Variants in SYN3 observed in about 807,000 individuals in gnomAD.
The protein encoded by SYN3 is synapsin III.
Under a neutral mutation model 65.8 loss-of-function variants are expected in SYN3, and 35 were observed. The observed-to-expected ratio is 0.53, with a 90% confidence interval of 0.41 to 0.70. The LOEUF (loss-of-function observed/expected upper bound fraction) is 0.70, where lower values mean the gene tolerates loss of function less well. SYN3 is among the 30% of genes least tolerant of loss of function. The pLI, the probability that SYN3 is intolerant of heterozygous loss-of-function variation, is 0.00. For missense variants in SYN3, 680 were observed against 749.0 expected, an observed-to-expected ratio of 0.91 and a Z score of 1.08; for synonymous variants, 270 against 292.9, an observed-to-expected ratio of 0.92 and a Z score of 0.80.
intron 1 of SYN3, among the ~76,000 whole-genome samples, chr22:33,047,047 C>T (rs73393634): frequency 0.031 from 4,753 of 151,994 alleles, 179 homozygotes; most frequent in African/African-American, 0.09. Context: ...CCAAACATCA[C>T]GGCTCTACTG....
chr22:33,040,794 T>G (rs2053949711), intron 1 of SYN3, among the ~76,000 whole-genome samples: 1 of 152,174 alleles, frequency 6.6e-6, no homozygotes, highest in Non-Finnish European at 1.5e-5. Flanking sequence ...TCCTTCATGC[T>G]GCCTTGCGAA....
intron 7 of SYN3, among the ~76,000 whole-genome samples, chr22:32,548,383 TA>T (rs1429330124): frequency 6.6e-6 from 1 of 152,152 alleles, no homozygotes; most frequent in African/African-American, 2.4e-5. Context: ...TATTTATTAT[TA>T]TTTTTTTGAG....
chr22:32,760,636 C>T (rs982200275), intron 6 of SYN3, among the ~76,000 whole-genome samples: 4 of 152,168 alleles, frequency 2.6e-5, no homozygotes, highest in African/African-American at 9.7e-5. Context: ...CTAGCCCACA[C>T]CCACAGTGCC....
intron 12 of SYN3, among the ~76,000 whole-genome samples, chr22:32,523,736 T>TA (rs2057929408): frequency 6.6e-6 from 1 of 152,064 alleles, no homozygotes; most frequent in Non-Finnish European, 1.5e-5. Context: ...TACTTTTAAA[T>TA]AAAAAAACTA....
At chr22:32,938,540 A>G (rs1268343207) in intron 3 of SYN3, among the ~76,000 whole-genome samples, 1 of 151,906 alleles carries the variant, frequency 6.6e-6, no homozygotes. Context: ...AGAAAAAAAA[A>G]AAAAAGAAAA....
At chr22:32,569,399 A>AAATC (rs1177899799) in intron 7 of SYN3, among the ~76,000 whole-genome samples, 24 of 115,630 alleles carry the variant, frequency 2.1e-4, no homozygotes, top group African/African-American at 8.1e-4. Flanking sequence ...TCTCCATCCA[A>AAATC]AATCTATCTA....
intron 3 of SYN3, among the ~76,000 whole-genome samples, chr22:32,963,294 C>T (rs535948159): frequency 9.6e-5 from 14 of 146,478 alleles, no homozygotes; most frequent in Non-Finnish European, 1.6e-4. Flanking sequence ...ACCATGTTGA[C>T]CAGGCTGGTC....
intron 4 of SYN3, among the ~76,000 whole-genome samples, chr22:32,916,953 G>A (rs573924763): frequency 1.3e-5 from 2 of 152,176 alleles, no homozygotes; most frequent in Admixed American, 6.5e-5. Flanking sequence ...CCTGGGTGAG[G>A]AGGGGGCCCT....
chr22:32,757,297 T>C (rs1253110487), intron 6 of SYN3, among the ~76,000 whole-genome samples: 1 of 18,684 alleles, frequency 5.4e-5, no homozygotes, highest in Non-Finnish European at 1.1e-4. Context: ...CTCCTACCTT[T>C]TTTTTTTTTT....
At chr22:32,994,826 A>G (rs5998688) in intron 2 of SYN3, among the ~76,000 whole-genome samples, 31 of 152,238 alleles carry the variant, frequency 2.0e-4, no homozygotes, top group African/African-American at 7.5e-4. Context: ...TTCCACAACG[A>G]TTATACTCAC....
chr22:33,039,064 C>T (rs2053913317), intron 1 of SYN3, among the ~76,000 whole-genome samples: 1 of 152,200 alleles, frequency 6.6e-6, no homozygotes, highest in Non-Finnish European at 1.5e-5. Context: ...CTCCATCTGA[C>T]TCATCCTCAA....
At chr22:32,976,619 T>G (rs992822765) in intron 3 of SYN3, among the ~76,000 whole-genome samples, 2 of 152,168 alleles carry the variant, frequency 1.3e-5, no homozygotes, top group Non-Finnish European at 2.9e-5. Flanking sequence ...CCTGGCCTGA[T>G]CCTCTCAGAC....
At chr22:32,936,226 C>T (rs2050772250) in intron 3 of SYN3, among the ~76,000 whole-genome samples, 1 of 152,180 alleles carries the variant, frequency 6.6e-6, no homozygotes. Context: ...TAAAGCCAGA[C>T]AAACTGCATT....
intron 2 of SYN3, among the ~76,000 whole-genome samples, chr22:32,986,903 A>T (rs1418790179): frequency 6.6e-6 from 1 of 152,172 alleles, no homozygotes; most frequent in Non-Finnish European, 1.5e-5. Context: ...GAAGAATATT[A>T]TAAAACTGGT....
At chr22:32,994,238 C>T (rs949555201) in intron 2 of SYN3, among the ~76,000 whole-genome samples, 1 of 152,078 alleles carries the variant, frequency 6.6e-6, no homozygotes, top group Non-Finnish European at 1.5e-5. Context: ...TGTCTCCAGG[C>T]GACGGGGTAG....
At chr22:32,598,883 T>C (rs1431339435) in intron 6 of SYN3, among the ~76,000 whole-genome samples, 2 of 152,172 alleles carry the variant, frequency 1.3e-5, no homozygotes, top group Non-Finnish European at 2.9e-5. Flanking sequence ...ACATTTGATT[T>C]TGATTCCAAA....
chr22:33,021,628 C>T (rs553138596), intron 1 of SYN3, among the ~76,000 whole-genome samples: 9 of 152,324 alleles, frequency 5.9e-5, no homozygotes, highest in African/African-American at 1.4e-4. Flanking sequence ...TCTACAGACA[C>T]ATGCGTGGCC....
intron 8 of SYN3, among the ~76,000 whole-genome samples, chr22:32,539,566 A>G (rs5754138): frequency 0.65 from 98,068 of 152,032 alleles, 31,759 homozygotes; most frequent in East Asian, 0.9. Context: ...CTTAGAAAGA[A>G]TGACAGCCCA....
At chr22:32,976,799 G>A (rs999354268) in intron 3 of SYN3, among the ~76,000 whole-genome samples, 2 of 152,142 alleles carry the variant, frequency 1.3e-5, no homozygotes, top group Non-Finnish European at 2.9e-5. Context: ...ATGGAGAGAA[G>A]GGGCGGAGGC....
Sources: gnomAD v4.1 joint callset for allele counts (sites outside exome capture counted in the v4.1 genomes callset) on GRCh38, gnomAD v4.1.1 for gene constraint, MANE v1.5 for transcripts, NCBI Gene and HGNC (gene_info 2026-07-23, HGNC 2026-07-21) for gene names.